The following VAV3 variants were observed in gnomAD, a reference collection of about 807,000 sequenced individuals.
The protein encoded by VAV3 is vav guanine nucleotide exchange factor 3, also known as guanine nucleotide exchange factor VAV3.
In VAV3, 94 loss-of-function variants were observed where a neutral mutation model predicts 131.2. The ratio of observed to expected loss-of-function variants is 0.72; its 90% confidence interval spans 0.61 to 0.85. The LOEUF (loss-of-function observed/expected upper bound fraction) is 0.85, where lower values mean the gene tolerates loss of function less well. VAV3 is among the 40% of genes least tolerant of loss of function. The probability of loss-of-function intolerance (pLI) is 0.00; values close to 1 mark genes in which losing one functional copy is unlikely to be tolerated. For missense variants in VAV3, 939 were observed against 1,002.7 expected (o/e 0.94, Z 0.86); for synonymous variants, 349 against 342.0 (o/e 1.02, Z -0.22).
At chr1:107,841,890 C>T (rs766190563) in intron 2 of VAV3, among the ~76,000 whole-genome samples, 7 of 151,956 alleles carry the variant, frequency 4.6e-5, no homozygotes, top group South Asian at 2.1e-4. Flanking sequence ...AATTGGGGTG[C>T]GTTGGGTTAA....
chr1:107,749,385 C>T (rs1042672249), intron 14 of VAV3, 77 bp downstream of exon 14: 17 of 1,436,038 alleles, frequency 1.2e-5, no homozygotes, highest in Middle Eastern at 2.4e-4. Flanking sequence ...CCATATCTCA[C>T]ATTAATGTAT....
chr1:107,961,140 A>G (rs941723916), intron 1 of VAV3, among the ~76,000 whole-genome samples: 8 of 152,156 alleles, frequency 5.3e-5, no homozygotes, highest in African/African-American at 1.7e-4. Flanking sequence ...CATTTAAACA[A>G]TTCAAAGTTT....
At chr1:107,593,754 TAAGC>T (rs935112660) in intron 25 of VAV3, among the ~76,000 whole-genome samples, 1 of 152,054 alleles carries the variant, frequency 6.6e-6, no homozygotes, top group African/African-American at 2.4e-5. Context: ...GGTATAAAAA[TAAGC>T]AAGTTATATT....
intron 1 of VAV3, among the ~76,000 whole-genome samples, chr1:107,895,859 G>A (rs1671545652): frequency 6.8e-6 from 1 of 147,236 alleles, no homozygotes; most frequent in South Asian, 2.2e-4. Flanking sequence ...ATAGCAATAT[G>A]AAAATTCTTT....
chr1:107,733,269 A>G (rs960335817), intron 15 of VAV3, among the ~76,000 whole-genome samples: 2 of 152,240 alleles, frequency 1.3e-5, no homozygotes, highest in African/African-American at 4.8e-5. Flanking sequence ...GATAAAAACC[A>G]CAAAGATGAG....
At chr1:107,829,920 C>T (rs1398846910) in intron 2 of VAV3, among the ~76,000 whole-genome samples, 1 of 152,098 alleles carries the variant, frequency 6.6e-6, no homozygotes, top group Non-Finnish European at 1.5e-5. Context: ...GATAAGATAT[C>T]TGCTATTTTA....
intron 15 of VAV3, among the ~76,000 whole-genome samples, chr1:107,725,664 G>T (rs1252585943): frequency 6.6e-6 from 1 of 152,020 alleles, no homozygotes; most frequent in East Asian, 1.9e-4. Flanking sequence ...ACAGACATGT[G>T]CCACCACACC....
At chr1:107,950,045 T>C (rs546019982) in intron 1 of VAV3, among the ~76,000 whole-genome samples, 11 of 152,074 alleles carry the variant, frequency 7.2e-5, no homozygotes, top group Non-Finnish European at 1.3e-4. Context: ...TGGGTGCTGC[T>C]GGGAACTGAA....
chr1:107,854,155 C>G lies in VAV3; in HGVS notation c.321+20746G>C, dbSNP rs1028507377. 2.0e-5 allele frequency among the ~76,000 whole-genome samples: 3 copies of G among 152,108 alleles called. No individual in the cohort carries two copies. The South Asian group carries it at 6.2e-4, about 32-fold the overall frequency. On this transcript the variant is annotated intron_variant, in intron 2 of 26. Coordinates refer to ENST00000370056, the MANE Select transcript of VAV3 (RefSeq NM_006113.5). ...AAATCCCCATCTCTGCTAAAAAATA[C>G]AAAAATTAGCCAGGCATGGTAGCGT...
chr1:107,591,798 T>C (rs1466792690), intron 25 of VAV3, among the ~76,000 whole-genome samples: 1 of 152,184 alleles, frequency 6.6e-6, no homozygotes, highest in East Asian at 1.9e-4. Flanking sequence ...CACTTGAGAA[T>C]AAATTGCAGA....
intron 1 of VAV3, among the ~76,000 whole-genome samples, chr1:107,902,461 T>C (rs896506330): frequency 5.9e-5 from 9 of 152,218 alleles, no homozygotes; most frequent in Admixed American, 1.3e-4. Flanking sequence ...GAATAACGCA[T>C]CTATTTTTGG....
intron 25 of VAV3, among the ~76,000 whole-genome samples, chr1:107,574,982 TGTGTGTGTGTGCGTGC>T (rs1649512213): frequency 3.4e-5 from 1 of 29,614 alleles, no homozygotes; most frequent in Non-Finnish European, 9.2e-5. Flanking sequence ...TGTGTGTGTG[TGTGTGTGTGTGCGTGC>T]GTGCGCGCGC....
intron 1 of VAV3, among the ~76,000 whole-genome samples, chr1:107,916,371 T>C (rs1163124631): frequency 2.0e-5 from 3 of 151,166 alleles, no homozygotes; most frequent in South Asian, 2.1e-4. Flanking sequence ...AAGAAACATA[T>C]ACCTGAAGCA....
At chr1:107,790,963 G>A (rs556964890) in intron 2 of VAV3, among the ~76,000 whole-genome samples, 8 of 152,148 alleles carry the variant, frequency 5.3e-5, no homozygotes, top group Middle Eastern at 3.4e-3. Flanking sequence ...TGGGATTACA[G>A]GAGTGAGCCA....
At chr1:107,812,389 C>T (rs939974019) in intron 2 of VAV3, among the ~76,000 whole-genome samples, 3 of 151,906 alleles carry the variant, frequency 2.0e-5, no homozygotes, top group Non-Finnish European at 2.9e-5. Flanking sequence ...CACGTGTGCC[C>T]GTTTTCATTA....
intron 15 of VAV3, among the ~76,000 whole-genome samples, chr1:107,708,233 T>C (rs1660569626): frequency 6.6e-6 from 1 of 152,200 alleles, no homozygotes; most frequent in African/African-American, 2.4e-5. Flanking sequence ...ACATAGAGAT[T>C]TCCTTTATAG....
At chr1:107,890,841 G>T (rs1345273025) in intron 1 of VAV3, among the ~76,000 whole-genome samples, 1 of 152,142 alleles carries the variant, frequency 6.6e-6, no homozygotes, top group Non-Finnish European at 1.5e-5. Flanking sequence ...ACAACTTCCT[G>T]AATAGACTGT....
At chr1:107,576,569 T>A in intron 25 of VAV3, 3 of 1,039,478 alleles carry the variant, frequency 2.9e-6, no homozygotes, top group Non-Finnish European at 4.0e-6. Flanking sequence ...TTCTTTCCTA[T>A]CACCATTTCT....
chr1:107,827,906 TA>T (rs1191117532), intron 2 of VAV3, among the ~76,000 whole-genome samples: 2 of 152,194 alleles, frequency 1.3e-5, no homozygotes, highest in African/African-American at 4.8e-5. Context: ...GGTCAATTCC[TA>T]TTCTAGACCA....
Sources: allele counts gnomAD v4.1 joint callset (sites outside exome capture counted in the v4.1 genomes callset), GRCh38; gene constraint gnomAD v4.1.1; transcripts MANE v1.5; gene names NCBI Gene and HGNC (gene_info 2026-07-23, HGNC 2026-07-21).